CNDP2: variants seen among roughly 807,000 people sequenced by gnomAD.
CNDP2 encodes cytosolic non-specific dipeptidase.
In CNDP2, 38 loss-of-function variants were observed where a neutral mutation model predicts 55.0. The observed-to-expected ratio is 0.69, with a 90% CI of 0.53 to 0.90. CNDP2 has a LOEUF of 0.90. Among genes scored for constraint, CNDP2 ranks in the 40% least tolerant of loss-of-function variants. The pLI is 0.00. For synonymous variants in CNDP2, 241 were observed against 260.2 expected, an observed-to-expected ratio of 0.93 and a Z score of 0.71; for missense variants, 607 against 621.7, an observed-to-expected ratio of 0.98 and a Z score of 0.25.
chr18:74,507,233 A>G (rs1441766531), intron 4 of CNDP2: 1 of 152,122 alleles, frequency 6.6e-6, no homozygotes, highest in Non-Finnish European at 1.5e-5. Context: ...CTCTCTCTGG[A>G]CAGAAGTCTT....
In CNDP2 at chr18:74,521,481, A is replaced by G. The variant is rs918836953; in HGVS notation, c.*1413A>G. 1 of 152,328 alleles carries G rather than the reference A, an allele frequency of 6.6e-6. No individual in the cohort carries two copies. Among genetic ancestry groups the G allele is most frequent in the African/African-American group, 2.4e-5 (1 of 41,458 alleles). 9.4% of individuals were successfully genotyped at this position (152,328 alleles called of 1,614,324 possible). ...TTCCAGGGCTGGGCAGGGAAGATGCAAGATGAGTCTGGACCCTCTCACATC... is the reference window on the plus strand; with the variant it reads ...TTCCAGGGCTGGGCAGGGAAGATGCGAGATGAGTCTGGACCCTCTCACATC... On this transcript the variant is annotated 3_prime_UTR_variant, in exon 12 of 12. Coordinates refer to ENST00000324262, the MANE Select transcript of CNDP2 (RefSeq NM_018235.3).
In CNDP2 at chr18:74,516,304, G is replaced by A. The variant is rs971473620; in HGVS notation, c.980G>A (p.Gly327Glu). The A allele has an allele frequency of 2.5e-6, 4 of 1,614,096 alleles. No homozygotes were observed. Among genetic ancestry groups the A allele is most frequent in the Non-Finnish European group, 3.4e-6 (4 of 1,180,000 alleles). Residue 327 changes from glycine to glutamate, a missense_variant, in exon 9 of 12, where the codon GGG becomes GAG. Coordinates refer to ENST00000324262, the MANE Select transcript of CNDP2 (RefSeq NM_018235.3). ...ATCGAAGGCGCCTTCTCTGGGTCTG[G>A]GGCCAAGACCGTGATTCCCAGGAAG... ...HGIEGAFSGS[G>E]AKTVIPRKVV...
chr18:74,501,916 CAG>C (rs1436518537), intron 3 of CNDP2, among the ~76,000 whole-genome samples: 1 of 151,940 alleles, frequency 6.6e-6, no homozygotes, highest in African/African-American at 2.4e-5. Context: ...TTTTTTGAGA[CAG>C]AGTCTCCCTC....
chr18:74,508,345 A>G (rs1979149789), intron 4 of CNDP2: 1 of 154,508 alleles, frequency 6.5e-6, no homozygotes, highest in Non-Finnish European at 1.4e-5. Context: ...AAAGAAGCAG[A>G]GGTTAAATGA....
chr18:74,501,294 T>G lies in CNDP2; in HGVS notation c.61-35T>G, dbSNP rs143712856. On this transcript the variant is annotated intron_variant, in intron 2 of 11. Coordinates refer to ENST00000324262, the MANE Select transcript of CNDP2 (RefSeq NM_018235.3). ...GCCTCTTCTCCCTCAAGGACACCTT[T>G]TCAGAATCCCTCGTTGCTTCTTGTC... 3.7e-4 allele frequency: 592 copies of G among 1,600,836 alleles called. 1 individual carries two copies. The East Asian group carries it at 0.012, about 32-fold the overall frequency.
rs1449437663 is a variant in CNDP2 at position 74,516,306 on chromosome 18, G to A, written c.982G>A (p.Ala328Thr). ...CGAAGGCGCCTTCTCTGGGTCTGGG[G>A]CCAAGACCGTGATTCCCAGGAAGGT... ...GIEGAFSGSG[A>T]KTVIPRKVVG... Residue 328 changes from alanine to threonine, a missense_variant, in exon 9 of 12, where the codon GCC (alanine) becomes ACC (threonine). Coordinates refer to ENST00000324262, the MANE Select transcript of CNDP2 (RefSeq NM_018235.3). 3 of 1,614,026 alleles carry A rather than the reference G, an allele frequency of 1.9e-6. No individual in the cohort carries two copies. Among genetic ancestry groups the A allele is most frequent in the Admixed American group, 3.3e-5 (2 of 59,998 alleles).
In CNDP2 at chr18:74,522,440, T is replaced by A. The variant is rs1253183041; in HGVS notation, c.*2372T>A. On this transcript the variant is annotated 3_prime_UTR_variant, in exon 12 of 12. Coordinates refer to ENST00000324262, the MANE Select transcript of CNDP2 (RefSeq NM_018235.3). ...GCCCCCGTTAGTCAGGAACCCATGC[T>A]GAGAGGTGCTATGCTTTGAATGTTT... 6.6e-6 allele frequency: 1 copy of A among 152,280 alleles called. No individual in the cohort carries two copies. The highest frequency in any genetic ancestry group is 1.5e-5 in the Non-Finnish European group (1 of 68,060). The allele number at this position is 152,280 out of a possible 1,614,324, so 9.4% of individuals were successfully genotyped here.
At chr18:74,498,141 A>AG (rs773971181) in intron 1 of CNDP2, 5 of 152,182 alleles carry the variant, frequency 3.3e-5, no homozygotes, top group Non-Finnish European at 5.9e-5. Flanking sequence ...AGATAATTAC[A>AG]GTCATATGTT....
At chr18:74,512,567 G>A (rs774379935) in intron 7 of CNDP2, 35 bp downstream of exon 7, 1 of 1,586,316 alleles carries the variant, frequency 6.3e-7, no homozygotes, top group East Asian at 2.2e-5. Flanking sequence ...CGCAGTTGAG[G>A]GGAAGTGGAT....
intron 8 of CNDP2, among the ~76,000 whole-genome samples, chr18:74,514,536 CTATAGGTTTA>C (rs1352876531): frequency 1.9e-4 from 27 of 138,800 alleles, no homozygotes; most frequent in African/African-American, 7.3e-4. Flanking sequence ...GTTCTGCAGG[CTATAGGTTTA>C]TGTGGTATGG....
intron 3 of CNDP2, among the ~76,000 whole-genome samples, chr18:74,502,067 G>A (rs1417575943): frequency 6.6e-6 from 1 of 152,056 alleles, no homozygotes; most frequent in African/African-American, 2.4e-5. Flanking sequence ...TATATTTTTT[G>A]TAGAGACGGG....
In CNDP2 at chr18:74,502,473, G is replaced by GT. The variant is rs780141172; in HGVS notation, c.204+1012dup. ...TATGTGTGTTTTTTTTGTCTTTTTG[G>GT]TTTTTTTTTTTGTCGGGATGGGGTT... On this transcript the variant is annotated intron_variant, in intron 3 of 11. Transcript: ENST00000324262. Among the ~76,000 whole-genome samples, 811 of 144,298 alleles carry GT rather than the reference G, an allele frequency of 5.6e-3. 9 individuals are homozygous for GT. Among genetic ancestry groups the GT allele is most frequent in the African/African-American group, 0.018 (709 of 39,466 alleles). 94.7% of individuals were successfully genotyped at this position (144,298 alleles called of 152,430 possible). A position where few individuals can be genotyped will look rare whatever the true frequency, so the allele number is the denominator to read the frequency against.
At position 74,505,869 on chromosome 18, in the gene CNDP2, C is replaced by T. The variant is rs536717374; in HGVS notation, c.225C>T (p.Ile75=). Residue 75 remains isoleucine, a synonymous_variant, in exon 4 of 12, where the codon ATC becomes ATT. Transcript: ENST00000324262. ...GKQKLPDGSE[I]PLPPILLGRL... ...CTCAGCTCCCTGATGGCTCGGAGAT[C>T]CCGCTCCCTCCTATTCTGCTCGGCA... The T allele has an allele frequency of 1.7e-5, 27 of 1,611,638 alleles. No homozygotes were observed. In the East Asian group the frequency reaches 5.4e-4, roughly 32 times the overall value.
chr18:74,505,987 C>G lies in CNDP2; in HGVS notation c.343C>G (p.Pro115Ala), dbSNP rs1428592608. 1.0e-5 allele frequency: 16 copies of G among 1,598,946 alleles called. No individual in the cohort carries two copies. Among genetic ancestry groups the G allele is most frequent in the Non-Finnish European group, 1.4e-5 (16 of 1,175,194 alleles). Residue 115 changes from proline to alanine, a missense_variant, in exon 4 of 12, where the codon CCC (proline) becomes GCC (alanine). Physicochemically the swap from Pro to Ala is conservative, Grantham distance 27. Coordinates refer to ENST00000324262, the MANE Select transcript of CNDP2 (RefSeq NM_018235.3). Reference protein sequence around the residue: ...AALEDGWDSEPFTLVERDGKL... With the variant: ...AALEDGWDSEAFTLVERDGKL... ...CCTGGAGGACGGCTGGGACAGCGAGCCCTTCACCCTGGTGGAGCGAGACGG... is the reference window on the plus strand; with the variant it reads ...CCTGGAGGACGGCTGGGACAGCGAGGCCTTCACCCTGGTGGAGCGAGACGG...
intron 3 of CNDP2, among the ~76,000 whole-genome samples, chr18:74,502,383 A>C (rs1169045575): frequency 6.6e-6 from 1 of 152,212 alleles, no homozygotes; most frequent in Non-Finnish European, 1.5e-5. Flanking sequence ...TTGTTCACTT[A>C]AAGTCACAGT....
At chr18:74,518,782 C>A in intron 10 of CNDP2, 142 bp downstream of exon 10, 1 of 1,421,244 alleles carries the variant, frequency 7.0e-7, no homozygotes. Context: ...ATGAGGACAG[C>A]TAGTGTGTGG....
chr18:74,503,725 C>T (rs980612167), intron 3 of CNDP2, among the ~76,000 whole-genome samples: 1 of 152,276 alleles, frequency 6.6e-6, no homozygotes, highest in Non-Finnish European at 1.5e-5. Context: ...ACAGGCTGTC[C>T]TGGTGAGAAC....
intron 8 of CNDP2, 117 bp from the exon 9 acceptor site, chr18:74,516,111 G>A: frequency 8.6e-7 from 1 of 1,160,974 alleles, no homozygotes; most frequent in Non-Finnish European, 1.2e-6. Context: ...TCAGGCTCCT[G>A]GGCCAGGCCC....
chr18:74,503,073 G>GTTTTTTTTTTTT (rs72527615), intron 3 of CNDP2, among the ~76,000 whole-genome samples: 1 of 142,190 alleles, frequency 7.0e-6, no homozygotes, highest in African/African-American at 2.7e-5. Context: ...GCTCCCTTTC[G>GTTTTTTTTTTTT]TTTTTTTTTT....
Sources: gnomAD v4.1 joint callset for allele counts (sites outside exome capture counted in the v4.1 genomes callset) on GRCh38, gnomAD v4.1.1 for gene constraint, MANE v1.5 for transcripts, NCBI Gene and HGNC (gene_info 2026-07-23, HGNC 2026-07-21) for gene names.